C5orf22: variants seen among roughly 807,000 people sequenced by gnomAD.
C5orf22 encodes the protein UPF0489 protein C5orf22.
In C5orf22, 36 loss-of-function variants were observed where a neutral mutation model predicts 48.7. The ratio of observed to expected loss-of-function variants is 0.74; its 90% confidence interval spans 0.57 to 0.98. The LOEUF is 0.98. Among genes scored for constraint, C5orf22 ranks in the 50% least tolerant of loss-of-function variants. The pLI is 0.00. For missense variants in C5orf22, 486 were observed against 521.9 expected, an observed-to-expected ratio of 0.93 and a Z score of 0.67; for synonymous variants, 141 against 180.8, an observed-to-expected ratio of 0.78 and a Z score of 1.76.
At chr5:31,547,329 A>C (rs973426505) in intron 7 of C5orf22, among the ~76,000 whole-genome samples, 1 of 152,226 alleles carries the variant, frequency 6.6e-6, no homozygotes, top group Admixed American at 6.5e-5. Flanking sequence ...GAGTGTCTGC[A>C]GCTTTTCCAG....
intron 7 of C5orf22, among the ~76,000 whole-genome samples, chr5:31,547,441 T>G (rs1742966536): frequency 6.6e-6 from 1 of 152,204 alleles, no homozygotes; most frequent in Non-Finnish European, 1.5e-5. Flanking sequence ...CTAGGGACTC[T>G]CAGTGGGGAT....
At position 31,551,402 on chromosome 5, in the gene C5orf22, T is replaced by C. The variant is rs183789686; in HGVS notation, c.1169T>C (p.Leu390Ser). 1.4e-5 allele frequency: 22 copies of C among 1,612,838 alleles called. No homozygotes were observed. The African/African-American group carries it at 2.3e-4, about 17-fold the overall frequency. The change falls in exon 8 of 9, where the codon TTA becomes TCA. Residue 390 changes from leucine to serine, a missense_variant. Physicochemically the swap from Leu to Ser is moderately radical, Grantham distance 145 (BLOSUM62 -2). Coordinates refer to ENST00000325366, the MANE Select transcript of C5orf22 (RefSeq NM_018356.3). ...TCTGTGCATTATTTGCTGAAAAATTTACCAAATCCTACTCTTGTGACAATT... is the reference window on the plus strand; with the variant it reads ...TCTGTGCATTATTTGCTGAAAAATTCACCAAATCCTACTCTTGTGACAATT... ...IQSVHYLLKN[L>S]PNPTLVTIAR...
At chr5:31,543,326 G>T (rs1236253078) in intron 6 of C5orf22, among the ~76,000 whole-genome samples, 2 of 152,202 alleles carry the variant, frequency 1.3e-5, no homozygotes, top group African/African-American at 4.8e-5. Context: ...TGAGCACTTT[G>T]GGAGGCCAAG....
At chr5:31,547,102 G>A (rs943177651) in intron 7 of C5orf22, among the ~76,000 whole-genome samples, 2 of 152,218 alleles carry the variant, frequency 1.3e-5, no homozygotes, top group Non-Finnish European at 2.9e-5. Context: ...AAATACAACC[G>A]TTCTAAATGG....
intron 6 of C5orf22, among the ~76,000 whole-genome samples, chr5:31,542,453 C>T (rs10079703): frequency 0.83 from 116,403 of 140,594 alleles, 49,053 homozygotes; most frequent in African/African-American, 0.96. Flanking sequence ...TGGACTTTTT[C>T]TGAGACTCCG....
chr5:31,545,724 A>G lies in C5orf22; in HGVS notation c.1059+12A>G. Reference sequence around the variant, plus strand: ...CAGACTATGAAATGGTAAATATTTTATATTAATGTGTAAAATTGACCCTTT... The same window carrying G: ...CAGACTATGAAATGGTAAATATTTTGTATTAATGTGTAAAATTGACCCTTT... On this transcript the variant is annotated intron_variant, in intron 7 of 8. Transcript: ENST00000325366. 1.3e-6 allele frequency: 2 copies of G among 1,545,362 alleles called. No individual in the cohort carries two copies. The highest frequency in any genetic ancestry group is 1.1e-5 in the South Asian group (1 of 87,348).
intron 4 of C5orf22, among the ~76,000 whole-genome samples, chr5:31,539,490 G>C (rs1218819776): frequency 6.6e-6 from 1 of 152,104 alleles, no homozygotes; most frequent in Non-Finnish European, 1.5e-5. Context: ...TCCTTAAACA[G>C]TGATGTGCCT....
intron 6 of C5orf22, among the ~76,000 whole-genome samples, chr5:31,544,565 C>G (rs1413156546): frequency 6.7e-6 from 1 of 149,748 alleles, no homozygotes; most frequent in African/African-American, 2.5e-5. Context: ...GCCTGGGCAA[C>G]AGAGTGAGAC....
At chr5:31,550,740 TTA>T (rs1743203468) in intron 7 of C5orf22, among the ~76,000 whole-genome samples, 1 of 152,150 alleles carries the variant, frequency 6.6e-6, no homozygotes, top group Non-Finnish European at 1.5e-5. Flanking sequence ...TTTTGTATTT[TTA>T]GTAGAGACGG....
intron 1 of C5orf22, among the ~76,000 whole-genome samples, chr5:31,533,292 C>T (rs1741817628): frequency 6.6e-6 from 1 of 152,254 alleles, no homozygotes; most frequent in East Asian, 1.9e-4. Context: ...AACACGGTGC[C>T]CTGCATAGAT....
chr5:31,534,998 A>G (rs1308372691), intron 2 of C5orf22: 4 of 454,774 alleles, frequency 8.8e-6, no homozygotes, highest in African/African-American at 4.0e-5. Context: ...CATTTAGTCC[A>G]TTGCCATATG....
In C5orf22 at chr5:31,554,081, AT is replaced by A. The variant is rs1743452956; in HGVS notation, c.*1183del. On this transcript the variant is annotated 3_prime_UTR_variant, in exon 9 of 9. Transcript: ENST00000325366. ...GAGTCACTCTTAATCATGAAACTTG[AT>A]TTTCTCAATTGGCCAGTCTTCTGAT... The A allele has an allele frequency of 6.6e-6, 1 of 152,088 alleles. No individual in the cohort carries two copies. The highest frequency in any genetic ancestry group is 2.4e-5 in the African/African-American group (1 of 41,412). 9.4% of individuals were successfully genotyped at this position (152,088 alleles called of 1,614,324 possible). A position where few individuals can be genotyped will look rare whatever the true frequency, so the allele number is the denominator to read the frequency against.
At chr5:31,534,584 A>C (rs186144818) in intron 2 of C5orf22, 167 bp downstream of exon 2, 19 of 624,590 alleles carry the variant, frequency 3.0e-5, no homozygotes, top group Admixed American at 2.1e-4. Context: ...AACTTTCTTA[A>C]AGAGCCAGAT....
intron 6 of C5orf22, among the ~76,000 whole-genome samples, chr5:31,543,477 G>A (rs1000660907): frequency 1.3e-5 from 2 of 152,116 alleles, no homozygotes; most frequent in African/African-American, 4.8e-5. Context: ...GGCTGAGGTG[G>A]GAGGATCACT....
intron 4 of C5orf22, 180 bp from the exon 5 acceptor site, chr5:31,540,769 A>G: frequency 1.8e-6 from 1 of 552,844 alleles, no homozygotes; most frequent in Non-Finnish European, 3.2e-6. Flanking sequence ...TATTTACAAT[A>G]AAATTATTAC....
Position 31,551,367 on chromosome 5 carries a change from T to G in C5orf22, c.1134T>G (p.Cys378Trp). ...TCAGCACAGAACAAGAAATAGAGTG[T>G]CTTATTCAATCTGTGCATTATTTGC... ...HHISTEQEIE[C>W]LIQSVHYLLK... The change falls in exon 8 of 9, where the codon TGT (cysteine) becomes TGG (tryptophan). Residue 378 changes from cysteine to tryptophan, a missense_variant. Physicochemically the swap from Cys to Trp is radical, Grantham distance 215 (BLOSUM62 -2). Transcript: ENST00000325366. 1 of 1,613,720 alleles carries G rather than the reference T, an allele frequency of 6.2e-7. No homozygotes were observed.
At chr5:31,535,527 CACCATCTTTGCA>C (rs997483757) in intron 2 of C5orf22, among the ~76,000 whole-genome samples, 2 of 152,162 alleles carry the variant, frequency 1.3e-5, no homozygotes, top group African/African-American at 4.8e-5. Flanking sequence ...AGTGCCTTTG[CACCATCTTTGCA>C]AATGTCAGTA....
chr5:31,539,960 A>G (rs1390922755), intron 4 of C5orf22, among the ~76,000 whole-genome samples: 2 of 152,010 alleles, frequency 1.3e-5, no homozygotes, highest in African/African-American at 4.8e-5. Context: ...CTGAGATGGG[A>G]GGATCACTTG....
chr5:31,537,292 A>G (rs985134314), intron 3 of C5orf22, among the ~76,000 whole-genome samples: 2 of 152,252 alleles, frequency 1.3e-5, no homozygotes, highest in African/African-American at 4.8e-5. Flanking sequence ...TGGAAGAGAC[A>G]CATATACATG....
Sources: gnomAD v4.1 joint callset for allele counts (sites outside exome capture counted in the v4.1 genomes callset) on GRCh38, gnomAD v4.1.1 for gene constraint, MANE v1.5 for transcripts, NCBI Gene and HGNC (gene_info 2026-07-23, HGNC 2026-07-21) for gene names.